ULK4: variants seen among roughly 807,000 people sequenced by gnomAD.
ULK4 encodes unc-51 like kinase 4, also known as inactive serine/threonine-protein kinase ULK4.
A neutral mutation model predicts 160.6 loss-of-function variants in ULK4; 133 were observed. The observed-to-expected ratio is 0.83, with a 90% CI of 0.72 to 0.96. ULK4 has a LOEUF of 0.96. Among genes scored for constraint, ULK4 ranks in the 40% least tolerant of loss-of-function variants. The pLI is 0.00. For synonymous variants in ULK4, 534 were observed against 539.8 expected (o/e 0.99, Z 0.15); for missense variants, 1,580 against 1,499.5 (o/e 1.05, Z -0.89).
intron 21 of ULK4, among the ~76,000 whole-genome samples, chr3:41,780,043 C>G (rs1432618425): frequency 6.7e-6 from 1 of 149,142 alleles, no homozygotes; most frequent in African/African-American, 2.5e-5. Flanking sequence ...CTCACATCTG[C>G]AATTTCCAAC....
intron 32 of ULK4, among the ~76,000 whole-genome samples, chr3:41,479,947 C>T (rs1035043449): frequency 1.3e-4 from 20 of 152,040 alleles, no homozygotes; most frequent in African/African-American, 4.1e-4. Flanking sequence ...GTGGCTCACG[C>T]CTGTAATCTC....
intron 2 of ULK4, among the ~76,000 whole-genome samples, chr3:41,940,692 T>C (rs532581490): frequency 1.8e-4 from 28 of 152,216 alleles, no homozygotes; most frequent in African/African-American, 6.3e-4. Flanking sequence ...CTTACTTATT[T>C]TCTATTCAAT....
intron 32 of ULK4, among the ~76,000 whole-genome samples, chr3:41,532,137 G>A (rs2643974): frequency 0.75 from 114,699 of 152,120 alleles, 43,462 homozygotes; most frequent in African/African-American, 0.79. Flanking sequence ...TACTCCGACC[G>A]CATCAACAAG....
intron 35 of ULK4, among the ~76,000 whole-genome samples, chr3:41,361,069 T>C (rs1297040406): frequency 6.6e-6 from 1 of 152,090 alleles, no homozygotes; most frequent in East Asian, 1.9e-4. Flanking sequence ...CTATGGGATG[T>C]CCTTGAGCAA....
Position 41,851,950 on chromosome 3 carries a change from G to A in ULK4, c.1657-15979C>T, listed in dbSNP as rs1351121691. Among the ~76,000 whole-genome samples the A allele has an allele frequency of 4.6e-5, 7 of 152,056 alleles. No individual in the cohort carries two copies. In the East Asian group the frequency reaches 1.2e-3, roughly 25 times the overall value. On this transcript the variant is annotated intron_variant, in intron 17 of 36. Transcript: ENST00000301831. ...AAAAAAACCCTTCAAAAAAATCAAC[G>A]AATCCAGGAGCTGGTTTTTTGGAAA...
chr3:41,927,646 G>A (rs1267935982), intron 5 of ULK4, among the ~76,000 whole-genome samples: 2 of 147,842 alleles, frequency 1.4e-5, no homozygotes, highest in Admixed American at 1.4e-4. Context: ...ATACAGGGAT[G>A]GAGGAATATT....
At chr3:41,654,940 T>C (rs1400846744) in intron 30 of ULK4, among the ~76,000 whole-genome samples, 1 of 152,174 alleles carries the variant, frequency 6.6e-6, no homozygotes, top group African/African-American at 2.4e-5. Flanking sequence ...ACTGACTTGC[T>C]TCTCACTGTG....
At chr3:41,695,043 A>G (rs2036442245) in intron 27 of ULK4, among the ~76,000 whole-genome samples, 1 of 152,190 alleles carries the variant, frequency 6.6e-6, no homozygotes, top group Non-Finnish European at 1.5e-5. Flanking sequence ...AGCAGGTTCA[A>G]TGTCTTGTGA....
chr3:41,863,665 A>C (rs946940704), intron 17 of ULK4, among the ~76,000 whole-genome samples: 1 of 151,782 alleles, frequency 6.6e-6, no homozygotes, highest in South Asian at 2.1e-4. Flanking sequence ...ACAGGTAATG[A>C]ATGCTGACAG....
chr3:41,872,888 C>G (rs1309443195), intron 17 of ULK4, among the ~76,000 whole-genome samples: 1 of 151,986 alleles, frequency 6.6e-6, no homozygotes, highest in Non-Finnish European at 1.5e-5. Flanking sequence ...GGCGCAGTGG[C>G]TCATGCCTGT....
intron 35 of ULK4, among the ~76,000 whole-genome samples, chr3:41,319,417 CA>C (rs1316323042): frequency 6.6e-6 from 1 of 152,172 alleles, no homozygotes; most frequent in Non-Finnish European, 1.5e-5. Context: ...TATCATAATT[CA>C]TCAAGAATTA....
intron 31 of ULK4, among the ~76,000 whole-genome samples, chr3:41,598,015 C>A (rs918728942): frequency 2.6e-5 from 4 of 152,202 alleles, no homozygotes; most frequent in African/African-American, 7.2e-5. Flanking sequence ...TCAGTACTGG[C>A]AGATCCTGCG....
intron 22 of ULK4, among the ~76,000 whole-genome samples, chr3:41,747,927 C>A (rs974200906): frequency 1.3e-5 from 2 of 151,944 alleles, no homozygotes; most frequent in African/African-American, 4.8e-5. Context: ...GTTATGACAG[C>A]CTGAGCAAAC....
intron 23 of ULK4, among the ~76,000 whole-genome samples, 182 bp from the exon 24 acceptor site, chr3:41,715,750 T>A (rs1191291517): frequency 2.0e-5 from 3 of 152,144 alleles, no homozygotes; most frequent in Non-Finnish European, 4.4e-5. Context: ...GGGGACAGAA[T>A]GTGATATTCT....
At chr3:41,759,157 C>T (rs188335040) in intron 21 of ULK4, among the ~76,000 whole-genome samples, 1 of 152,034 alleles carries the variant, frequency 6.6e-6, no homozygotes, top group East Asian at 1.9e-4. Context: ...ACCCATGATT[C>T]AGTATTTTAC....
chr3:41,368,540 G>T (rs2081297947), intron 35 of ULK4, among the ~76,000 whole-genome samples: 1 of 152,002 alleles, frequency 6.6e-6, no homozygotes, highest in South Asian at 2.1e-4. Context: ...TCTCTCTATA[G>T]CCTCCAGCAA....
chr3:41,798,445 G>A (rs55803852), intron 20 of ULK4, among the ~76,000 whole-genome samples: 8,414 of 152,194 alleles, frequency 0.055, 422 homozygotes, highest in East Asian at 0.16. Flanking sequence ...TGAAACAGAC[G>A]TGTGTATAAT....
chr3:41,831,835 T>C (rs2041600397), intron 18 of ULK4, among the ~76,000 whole-genome samples: 1 of 152,140 alleles, frequency 6.6e-6, no homozygotes, highest in Admixed American at 6.6e-5. Flanking sequence ...TTGCTGAGGA[T>C]GATGGCTTCC....
chr3:41,777,586 T>A (rs1418358423), intron 21 of ULK4, among the ~76,000 whole-genome samples: 1 of 80,966 alleles, frequency 1.2e-5, no homozygotes, highest in Non-Finnish European at 2.4e-5. Context: ...CTCTACACAC[T>A]GCTTTGAATG....
Sources: gnomAD v4.1 joint callset for allele counts (sites outside exome capture counted in the v4.1 genomes callset) on GRCh38, gnomAD v4.1.1 for gene constraint, MANE v1.5 for transcripts, NCBI Gene and HGNC (gene_info 2026-07-23, HGNC 2026-07-21) for gene names.